GSDMD: variants seen among roughly 807,000 people sequenced by gnomAD.
The protein encoded by GSDMD is gasdermin-D.
A neutral mutation model predicts 46.7 loss-of-function variants in GSDMD; 46 were observed. The observed-to-expected ratio is 0.99, with a 90% CI of 0.78 to 1.26. The LOEUF (loss-of-function observed/expected upper bound fraction) is 1.26. GSDMD is among the 50% of genes most tolerant of loss of function. The pLI is 0.00. For missense variants in GSDMD, 649 were observed against 638.8 expected, an observed-to-expected ratio of 1.02 and a Z score of -0.17; for synonymous variants, 307 against 283.1, an observed-to-expected ratio of 1.08 and a Z score of -0.85.
Position 143,563,036 on chromosome 8 carries a change from C to A in GSDMD, c.*132C>A. The stretch of plus-strand genomic sequence containing the variant: ...CCATGGGGCCCAGGAGTTGGGGAAA[C>A]ACAATAAAGGTGGCATACGAAGGAA... On this transcript the variant is annotated 3_prime_UTR_variant, in exon 11 of 11. Transcript: ENST00000262580. 1 of 1,068,038 alleles carries A rather than the reference C, an allele frequency of 9.4e-7. No homozygotes were observed. The highest frequency in any genetic ancestry group is 1.3e-6 in the Non-Finnish European group (1 of 778,284). The allele number at this position is 1,068,038 out of a possible 1,614,324, so 66.2% of individuals were successfully genotyped here.
chr8:143,559,053 A>G, intron 1 of GSDMD: 1 of 561,140 alleles, frequency 1.8e-6, no homozygotes, highest in Non-Finnish European at 3.2e-6. Context: ...TAGTGGACAG[A>G]GCCCTCTGTG....
At position 143,559,562 on chromosome 8, in the gene GSDMD, G is replaced by GTGGT; in HGVS notation, c.217+11_217+14dup. The stretch of plus-strand genomic sequence containing the variant: ...GATGCCGCGGAACCAGGTGCCTGAT[G>GTGGT]TGGTGCTGAGGCAGAGCCCCAGGGA... On this transcript the variant is annotated intron_variant, in intron 2 of 10. Coordinates refer to ENST00000262580, the MANE Select transcript of GSDMD (RefSeq NM_024736.7). 1 of 1,610,010 alleles carries GTGGT rather than the reference G, an allele frequency of 6.2e-7. No individual in the cohort carries two copies. Among genetic ancestry groups the GTGGT allele is most frequent in the Non-Finnish European group, 8.5e-7 (1 of 1,178,050 alleles).
chr8:143,560,225 G>A (rs1044693091), intron 3 of GSDMD: 13 of 691,858 alleles, frequency 1.9e-5, no homozygotes, highest in Non-Finnish European at 3.4e-5. Context: ...GAAAGTCCCA[G>A]AGGCAAAAGA....
At chr8:143,560,066 G>A in intron 3 of GSDMD, 97 bp downstream of exon 3, 7 of 1,219,062 alleles carry the variant, frequency 5.7e-6, no homozygotes, top group Non-Finnish European at 8.3e-6. Flanking sequence ...TTGAGGTGAG[G>A]TTTTGCTATC....
chr8:143,562,746 G>A lies in GSDMD; in HGVS notation c.1297G>A (p.Gly433Ser), dbSNP rs764162554. 2 of 1,586,712 alleles carry A rather than the reference G, an allele frequency of 1.3e-6. No homozygotes were observed. The highest frequency in any genetic ancestry group is 3.3e-4 in the Middle Eastern group (2 of 6,026). ...LPPGLLGNSW[G>S]EGAPAWVLLD... ...CCCCGGGCTCCTGGGGAACAGCTGG[G>A]GCGAAGGAGCACCGGCCTGGGTCTT... The change falls in exon 11 of 11, where the codon GGC (glycine) becomes AGC (serine). Residue 433 changes from glycine to serine, a missense_variant. Coordinates refer to ENST00000262580, the MANE Select transcript of GSDMD (RefSeq NM_024736.7).
At chr8:143,558,569 G>A (rs1186384908) in intron 1 of GSDMD, 118 bp downstream of exon 1, 5 of 1,038,744 alleles carry the variant, frequency 4.8e-6, no homozygotes, top group Admixed American at 3.7e-5. Flanking sequence ...AGAAGGCCCC[G>A]CGCCGCACAC....
intron 5 of GSDMD, 76 bp from the exon 6 acceptor site, chr8:143,561,294 T>C (rs1482396982): frequency 1.4e-6 from 2 of 1,417,824 alleles, no homozygotes; most frequent in Admixed American, 2.0e-5. Flanking sequence ...ACAGGGGAGC[T>C]CCTAGTAGGG....
At chr8:143,558,536 C>A in intron 1 of GSDMD, 85 bp downstream of exon 1, 1 of 1,256,416 alleles carries the variant, frequency 8.0e-7, no homozygotes, top group Non-Finnish European at 1.0e-6. Flanking sequence ...GGGATGCTGG[C>A]CCTGCTGCCC....
chr8:143,561,514 C>T, intron 6 of GSDMD, 91 bp downstream of exon 6: 1 of 1,345,254 alleles, frequency 7.4e-7, no homozygotes, highest in Non-Finnish European at 1.0e-6. Context: ...TCTCAGGGCA[C>T]AGGGAGGCCG....
Position 143,559,357 on chromosome 8 carries a change from G to A in GSDMD, c.22G>A (p.Val8Ile). 3.1e-6 allele frequency: 5 copies of A among 1,612,648 alleles called. No homozygotes were observed. The highest frequency in any genetic ancestry group is 4.2e-6 in the Non-Finnish European group (5 of 1,179,886). Reference sequence around the variant, plus strand: ...GAGCATGGGGTCGGCCTTTGAGCGGGTAGTCCGGAGAGTGGTCCAGGAGCT... The same window carrying A: ...GAGCATGGGGTCGGCCTTTGAGCGGATAGTCCGGAGAGTGGTCCAGGAGCT... MGSAFERVVRRVVQELDH... is the reference protein window; with the variant it reads MGSAFERIVRRVVQELDH... Residue 8 changes from valine to isoleucine, a missense_variant, in exon 2 of 11, where the codon GTA becomes ATA. Transcript: ENST00000262580.
intron 3 of GSDMD, 154 bp from the exon 4 acceptor site, chr8:143,560,448 TG>T: frequency 4.1e-6 from 3 of 725,190 alleles, no homozygotes; most frequent in Non-Finnish European, 6.8e-6. Context: ...CCCGTCCCCG[TG>T]GGGAGCACAC....
chr8:143,560,084 G>A, intron 3 of GSDMD, 115 bp downstream of exon 3: 2 of 1,046,778 alleles, frequency 1.9e-6, no homozygotes, highest in South Asian at 2.7e-5. Context: ...ATCTCGGCCA[G>A]GGTGGTCTTG....
At chr8:143,558,842 C>T (rs1259936740) in intron 1 of GSDMD, 1 of 545,434 alleles carries the variant, frequency 1.8e-6, no homozygotes, top group Non-Finnish European at 3.5e-6. Flanking sequence ...CCTCTGACCC[C>T]CAAAGCCTCA....
chr8:143,556,440 G>A (rs1385957903), upstream of GSDMD, among the ~76,000 whole-genome samples: 1 of 152,224 alleles, frequency 6.6e-6, no homozygotes, highest in African/African-American at 2.4e-5. Flanking sequence ...AGCTACTCAG[G>A]AGACTGACAG....
intron 1 of GSDMD, chr8:143,558,706 C>T (rs1259435959): frequency 8.6e-6 from 5 of 584,092 alleles, no homozygotes; most frequent in Admixed American, 5.8e-5. Context: ...GCTGTTCCCG[C>T]CCCCAGCTGC....
In GSDMD at chr8:143,559,981, G is replaced by GAGGGCAGGGC. The variant is rs59118283; in HGVS notation, c.410+23_410+32dup. ...CTGCTCCATGAGAGGTGGGCCCGAA[G>GAGGGCAGGGC]AGGGCAGGGCAGGGCAGGGCCCCAC... On this transcript the variant is annotated intron_variant, in intron 3 of 10. Coordinates refer to ENST00000262580, the MANE Select transcript of GSDMD (RefSeq NM_024736.7). 0.15 allele frequency: 235,386 copies of GAGGGCAGGGC among 1,587,838 alleles called. 18,942 individuals carry two copies. Among genetic ancestry groups the GAGGGCAGGGC allele is most frequent in the South Asian group, 0.2 (18,261 of 89,484 alleles).
upstream of GSDMD, chr8:143,557,784 T>G (rs4266665): frequency 0.29 from 90,886 of 310,172 alleles, 14,862 homozygotes; most frequent in East Asian, 0.45. Flanking sequence ...TTGCATTTCC[T>G]TGATGACTAA....
In GSDMD at chr8:143,558,396, C is replaced by T. The variant is rs777655052; in HGVS notation, c.-60C>T. 6.6e-7 allele frequency: 1 copy of T among 1,516,676 alleles called. No homozygotes were observed. Among genetic ancestry groups the T allele is most frequent in the Non-Finnish European group, 8.8e-7 (1 of 1,139,026 alleles). The allele number at this position is 1,516,676 out of a possible 1,614,324, so 94.0% of individuals were successfully genotyped here. Reference sequence around the variant, plus strand: ...CCTCCAGCTCCTGCTCGCCGGACGGCTCCCAGGGAGAGCAGACGCGCCAGA... The same window carrying T: ...CCTCCAGCTCCTGCTCGCCGGACGGTTCCCAGGGAGAGCAGACGCGCCAGA... On this transcript the variant is annotated 5_prime_UTR_variant, in exon 1 of 11. Coordinates refer to ENST00000262580, the MANE Select transcript of GSDMD (RefSeq NM_024736.7).
Position 143,561,048 on chromosome 8 carries a change from C to G in GSDMD, c.626C>G (p.Pro209Arg). The change falls in exon 5 of 11, where the codon CCC becomes CGC. Residue 209 changes from proline to arginine, a missense_variant. By Grantham distance (103) the Pro-to-Arg change is moderately radical. Transcript: ENST00000262580. ...AGCCAGAAGAAGACGGTCACCATCC[C>G]CTCAGGCAGCACCCTCGCATTCCGG... ...HLSQKKTVTI[P>R]SGSTLAFRVA... is the part of the protein sequence containing the mutation. 1.2e-6 allele frequency: 2 copies of G among 1,613,170 alleles called. No homozygotes were observed. Among genetic ancestry groups the G allele is most frequent in the East Asian group, 2.2e-5 (1 of 44,882 alleles).
Sources: gnomAD v4.1 joint callset for allele counts (sites outside exome capture counted in the v4.1 genomes callset) on GRCh38, gnomAD v4.1.1 for gene constraint, MANE v1.5 for transcripts, NCBI Gene and HGNC (gene_info 2026-07-23, HGNC 2026-07-21) for gene names.